PCDH11X: variants seen among roughly 807,000 people sequenced by gnomAD.
PCDH11X encodes protocadherin 11 X-linked.
PCDH11X carries 18 observed loss-of-function variants against 53.3 expected under a neutral mutation model. The ratio of observed to expected loss-of-function variants is 0.34; its 90% CI spans 0.23 to 0.50. PCDH11X has a LOEUF of 0.50. Among genes scored for constraint, PCDH11X ranks in the 20% least tolerant of loss-of-function variants. PCDH11X has a pLI of 0.98. For missense variants in PCDH11X, 570 were observed against 1,032.4 expected, an observed-to-expected ratio of 0.55 and a Z score of 6.14; for synonymous variants, 279 against 393.3, an observed-to-expected ratio of 0.71 and a Z score of 3.44.
At chrX:92,189,467 A>G (rs910488445) in intron 6 of PCDH11X, among the ~76,000 whole-genome samples, 5 of 111,678 alleles carry the variant, frequency 4.5e-5, no homozygotes, top group African/African-American at 1.6e-4. Flanking sequence ...TCTATCACTG[A>G]TGGACATTTG....
At chrX:92,348,737 T>C (rs895323212) in intron 8 of PCDH11X, among the ~76,000 whole-genome samples, 6 of 108,280 alleles carry the variant, frequency 5.5e-5, no homozygotes, top group African/African-American at 1.7e-4. Context: ...GGTTTCACTA[T>C]ATTGGTCAGG....
At chrX:91,998,917 T>C (rs2062463767) in intron 6 of PCDH11X, among the ~76,000 whole-genome samples, 1 of 109,842 alleles carries the variant, frequency 9.1e-6, no homozygotes. Flanking sequence ...TTATTTTATT[T>C]TATTTTATTT....
chrX:92,378,701 G>A (rs1184433173), intron 8 of PCDH11X, among the ~76,000 whole-genome samples: 1 of 111,411 alleles, frequency 9.0e-6, no homozygotes, highest in Non-Finnish European at 1.9e-5. Context: ...CATAGACAAG[G>A]AGGCATCTTT....
At chrX:92,366,051 A>C (rs1180346936) in intron 8 of PCDH11X, among the ~76,000 whole-genome samples, 1 of 110,221 alleles carries the variant, frequency 9.1e-6, no homozygotes, top group African/African-American at 3.3e-5. Context: ...TAATTTCAGA[A>C]GGAATGGTAG....
chrX:92,496,839 T>C (rs2073869352), intron 10 of PCDH11X, among the ~76,000 whole-genome samples: 3 of 108,141 alleles, frequency 2.8e-5, no homozygotes, highest in Admixed American at 9.8e-5. Context: ...TCACCTAGAA[T>C]GCTTTTCCAC....
intron 9 of PCDH11X, among the ~76,000 whole-genome samples, chrX:92,466,238 C>G (rs1216821599): frequency 9.0e-6 from 1 of 110,728 alleles, no homozygotes; most frequent in Non-Finnish European, 1.9e-5. Flanking sequence ...TTCACATAGA[C>G]TATAGTATTT....
At chrX:91,813,169 G>A (rs1936343350) in intron 4 of PCDH11X, among the ~76,000 whole-genome samples, 1 of 111,109 alleles carries the variant, frequency 9.0e-6, no homozygotes, top group African/African-American at 3.3e-5. Context: ...ACTTTTTAAG[G>A]AGTGGAAGAA....
At chrX:91,895,339 G>A (rs1446637017) in intron 6 of PCDH11X, among the ~76,000 whole-genome samples, 2 of 111,372 alleles carry the variant, frequency 1.8e-5, no homozygotes, top group African/African-American at 6.5e-5. Context: ...GCTATACAAG[G>A]TGGTTGAGTG....
chrX:91,880,993 T>C (rs1939870622), intron 6 of PCDH11X, among the ~76,000 whole-genome samples: 1 of 111,431 alleles, frequency 9.0e-6, no homozygotes. Context: ...TTAAGAAGTG[T>C]ACAAAGAGTG....
At chrX:91,928,801 T>C (rs1343973084) in intron 6 of PCDH11X, among the ~76,000 whole-genome samples, 1 of 111,022 alleles carries the variant, frequency 9.0e-6, no homozygotes, top group African/African-American at 3.3e-5. Flanking sequence ...ATATTTTCAA[T>C]GTATGATATT....
intron 6 of PCDH11X, among the ~76,000 whole-genome samples, chrX:91,974,818 T>A (rs1487131900): frequency 9.1e-6 from 1 of 109,801 alleles, no homozygotes; most frequent in Non-Finnish European, 1.9e-5. Context: ...AATGGCCCGA[T>A]CTCGGCTCAC....
Position 92,621,726 on chromosome X carries a change from T to C in PCDH11X, c.*2786T>C, listed in dbSNP as rs1480254346. ...GGTTGACACAGCACACAAGTGGCTA[T>C]TGTGATGTATGATGTATGTAGTCCT... On this transcript the variant is annotated 3_prime_UTR_variant, in exon 11 of 11. Transcript: ENST00000682573. 8.9e-6 allele frequency: 1 copy of C among 111,767 alleles called. No homozygotes were observed. Among genetic ancestry groups the C allele is most frequent in the African/African-American group, 3.3e-5 (1 of 30,697 alleles). The allele number at this position is 111,767 out of a possible 1,213,427, so 9.2% of individuals were successfully genotyped here. A position where few individuals can be genotyped will look rare whatever the true frequency, so the allele number is the denominator to read the frequency against.
chrX:92,188,866 T>G (rs1209311374), intron 6 of PCDH11X, among the ~76,000 whole-genome samples: 6 of 111,351 alleles, frequency 5.4e-5, no homozygotes. Context: ...TTCTTTGTGA[T>G]AATATGTGTC....
intron 10 of PCDH11X, among the ~76,000 whole-genome samples, chrX:92,611,032 T>C (rs1417554768): frequency 4.5e-5 from 5 of 111,244 alleles, no homozygotes; most frequent in African/African-American, 1.3e-4. Context: ...GATAATGTGA[T>C]GCCTCCAGCT....
chrX:92,139,183 T>G (rs1445770828), intron 6 of PCDH11X, among the ~76,000 whole-genome samples: 2 of 108,818 alleles, frequency 1.8e-5, no homozygotes, highest in East Asian at 5.7e-4. Flanking sequence ...CCTGGTATTA[T>G]CTACAGATAC....
intron 4 of PCDH11X, among the ~76,000 whole-genome samples, chrX:91,824,368 T>C (rs1936822082): frequency 9.1e-6 from 1 of 110,358 alleles, no homozygotes; most frequent in Non-Finnish European, 1.9e-5. Context: ...GAGGCTTTGC[T>C]TGTTTCTTTT....
intron 10 of PCDH11X, among the ~76,000 whole-genome samples, chrX:92,486,135 C>T (rs1004946220): frequency 9.8e-4 from 108 of 110,502 alleles, no homozygotes; most frequent in Non-Finnish European, 2.0e-3. Context: ...TAACTGTTAA[C>T]TGGACGGTGG....
At chrX:91,957,167 C>G (rs1211412540) in intron 6 of PCDH11X, among the ~76,000 whole-genome samples, 8 of 110,858 alleles carry the variant, frequency 7.2e-5, no homozygotes, top group Non-Finnish European at 1.3e-4. Flanking sequence ...GTTGTTTTAT[C>G]ATGATTCTTA....
intron 4 of PCDH11X, among the ~76,000 whole-genome samples, chrX:91,815,356 T>C (rs1474349904): frequency 1.8e-5 from 2 of 112,010 alleles, no homozygotes; most frequent in Non-Finnish European, 3.8e-5. Flanking sequence ...AAATGAATGG[T>C]CTTGCTACAA....
Sources: gnomAD v4.1 joint callset for allele counts (sites outside exome capture counted in the v4.1 genomes callset) on GRCh38, gnomAD v4.1.1 for gene constraint, MANE v1.5 for transcripts, NCBI Gene and HGNC (gene_info 2026-07-23, HGNC 2026-07-21) for gene names.